The following AEN variants were observed in gnomAD, a reference collection of about 807,000 sequenced individuals.
The protein encoded by AEN is apoptosis enhancing nuclease.
A neutral mutation model predicts 17.7 loss-of-function variants in AEN; 21 were observed. That is an observed-to-expected ratio of 1.19 (90% CI 0.84 to 1.71). The LOEUF (loss-of-function observed/expected upper bound fraction) is 1.71. Ranked by LOEUF, AEN falls within the 40% of genes most tolerant of loss-of-function variation. AEN has a pLI of 0.00. For missense variants in AEN, 462 were observed against 435.9 expected (o/e 1.06, Z -0.53); for synonymous variants, 190 against 173.0 (o/e 1.10, Z -0.77).
In AEN at chr15:88,630,153, C is replaced by T. The variant is rs768698848; in HGVS notation, c.837C>T (p.Arg279=). ...TGCAGTGGGAACAGCAGGAGGCCCG[C>T]AGCCTCTGGACCTGCCCCGAGGACA... ...VEVQWEQQEA[R]SLWTCPEDRE... The change falls in exon 4 of 4, where the codon CGC becomes CGT. Residue 279 remains arginine (R), a synonymous_variant. Transcript: ENST00000332810. The surrounding 1 kb of genome is among the most constrained non-coding windows in gnomAD (Gnocchi z 5.1). 1.2e-5 allele frequency: 19 copies of T among 1,613,796 alleles called. No individual in the cohort carries two copies. The highest frequency in any genetic ancestry group is 1.5e-5 in the Non-Finnish European group (18 of 1,179,990).
At chr15:88,605,981 T>C in the AEN span, among the ~76,000 whole-genome samples, 2 of 152,360 alleles carry the variant, frequency 1.3e-5, no homozygotes, top group African/African-American at 4.8e-5. The surrounding 1 kb of genome is among the most constrained non-coding windows in gnomAD (Gnocchi z 7.6). Context: ...CTCATCTTCC[T>C]CATTTCTCCA....
chr15:88,614,253 G>T, the AEN span, among the ~76,000 whole-genome samples: 35 of 152,232 alleles, frequency 2.3e-4, no homozygotes, highest in Non-Finnish European at 4.6e-4. Context: ...AGTCTAGAGT[G>T]CAGTGGTGTG....
chr15:88,620,942 G>C (rs1173426462), upstream of AEN, among the ~76,000 whole-genome samples: 2 of 152,106 alleles, frequency 1.3e-5, no homozygotes, highest in Non-Finnish European at 2.9e-5. Flanking sequence ...TTGAATCCCA[G>C]AACACCCGAG....
chr15:88,630,553 A>G lies in AEN; in HGVS notation c.*259A>G, dbSNP rs1305309203. 6.2e-6 allele frequency: 3 copies of G among 480,996 alleles called. No homozygotes were observed. The highest frequency in any genetic ancestry group is 4.8e-5 in the South Asian group (2 of 41,686). 29.8% of individuals were successfully genotyped at this position (480,996 alleles called of 1,614,324 possible). A position where few individuals can be genotyped will look rare whatever the true frequency, so the allele number is the denominator to read the frequency against. ...ACTTTACAGACTCCATGGAGATGTCAGGTGGACCATCTTCTAGGGCCCAGC... is the reference window on the plus strand; with the variant it reads ...ACTTTACAGACTCCATGGAGATGTCGGGTGGACCATCTTCTAGGGCCCAGC... On this transcript the variant is annotated 3_prime_UTR_variant, in exon 4 of 4. Transcript: ENST00000332810. This position sits in a 1 kb window ranked among gnomAD's most constrained non-coding sequence, Gnocchi z 5.1.
intron 1 of AEN, among the ~76,000 whole-genome samples, chr15:88,623,488 G>C (rs1215870114): frequency 6.6e-6 from 1 of 152,254 alleles, no homozygotes; most frequent in East Asian, 1.9e-4. Flanking sequence ...TTCTGAAGAG[G>C]ACCTGCCACA....
At chr15:88,611,048 C>T in the AEN span, among the ~76,000 whole-genome samples, 1 of 152,190 alleles carries the variant, frequency 6.6e-6, no homozygotes, top group Non-Finnish European at 1.5e-5. Flanking sequence ...CCTCTTCCTG[C>T]TCTGCTTACC....
intron 1 of AEN, among the ~76,000 whole-genome samples, chr15:88,624,033 T>G (rs1478597259): frequency 6.6e-6 from 1 of 152,242 alleles, no homozygotes; most frequent in African/African-American, 2.4e-5. Context: ...TGCACACAGA[T>G]GTAGCCTCTT....
chr15:88,625,590 C>A (rs1015400202), intron 1 of AEN, among the ~76,000 whole-genome samples: 1 of 152,212 alleles, frequency 6.6e-6, no homozygotes, highest in African/African-American at 2.4e-5. Flanking sequence ...TGCGGGCTTC[C>A]TATGAAATTC....
chr15:88,618,303 G>C (rs1389364957), upstream of AEN, among the ~76,000 whole-genome samples: 1 of 151,924 alleles, frequency 6.6e-6, no homozygotes, highest in Non-Finnish European at 1.5e-5. Context: ...ATATTTTCAT[G>C]CTTGGTAATA....
intron 1 of AEN, among the ~76,000 whole-genome samples, chr15:88,624,231 C>T (rs1181964408): frequency 5.1e-4 from 78 of 152,266 alleles, no homozygotes; most frequent in Non-Finnish European, 1.0e-4. Context: ...CTCAGTATGG[C>T]ATTGGCCTGT....
intron 1 of AEN, chr15:88,621,758 C>A (rs1483554979): frequency 6.6e-6 from 1 of 152,236 alleles, no homozygotes; most frequent in Non-Finnish European, 1.5e-5. Context: ...GTCGTTGTTC[C>A]GTGGACTTTT....
chr15:88,617,867 G>C (rs8025410), upstream of AEN, among the ~76,000 whole-genome samples: 369 of 152,220 alleles, frequency 2.4e-3, 2 homozygotes, highest in African/African-American at 8.5e-3. Context: ...TGAAACTTTG[G>C]TTAAGCTTTT....
At chr15:88,618,496 A>G (rs187741365), upstream of AEN, among the ~76,000 whole-genome samples, 2 of 152,346 alleles carry the variant, frequency 1.3e-5, no homozygotes, top group East Asian at 3.9e-4. Context: ...ATAGCATTTC[A>G]TTATATGAGA....
chr15:88,626,178 C>T lies in AEN; in HGVS notation c.-32C>T. 1.3e-6 allele frequency: 2 copies of T among 1,533,026 alleles called. No homozygotes were observed. The highest frequency in any genetic ancestry group is 1.8e-6 in the Non-Finnish European group (2 of 1,142,098). The allele number at this position is 1,533,026 out of a possible 1,614,324, so 95.0% of individuals were successfully genotyped here. A position where few individuals can be genotyped will look rare whatever the true frequency, so the allele number is the denominator to read the frequency against. ...CCCCATTGGAAGATTACTCCCCAGGCTTCCCTTGCCCCAAGCAGTGAGCTG... is the reference window on the plus strand; with the variant it reads ...CCCCATTGGAAGATTACTCCCCAGGTTTCCCTTGCCCCAAGCAGTGAGCTG... On this transcript the variant is annotated 5_prime_UTR_variant, in exon 2 of 4. Coordinates refer to ENST00000332810, the MANE Select transcript of AEN (RefSeq NM_022767.4).
At chr15:88,617,799 A>C (rs1030721388), upstream of AEN, among the ~76,000 whole-genome samples, 8 of 151,960 alleles carry the variant, frequency 5.3e-5, no homozygotes, top group Non-Finnish European at 8.8e-5. Flanking sequence ...CATTTGCCTC[A>C]TAAGTGACTA....
intron 1 of AEN, among the ~76,000 whole-genome samples, chr15:88,625,105 C>T (rs578234288): frequency 1.3e-5 from 2 of 152,302 alleles, no homozygotes; most frequent in East Asian, 1.9e-4. Flanking sequence ...CATTCAGTGA[C>T]GAGGGCTTAA....
chr15:88,607,642 G>A, the AEN span, among the ~76,000 whole-genome samples: 1 of 152,182 alleles, frequency 6.6e-6, no homozygotes, highest in African/African-American at 2.4e-5. Context: ...TTTCAGGCAG[G>A]AACTGTGATA....
Position 88,626,340 on chromosome 15 carries a change from A to C in AEN, c.131A>C (p.Lys44Thr). 1 of 1,613,502 alleles carries C rather than the reference A, an allele frequency of 6.2e-7. No individual in the cohort carries two copies. The highest frequency in any genetic ancestry group is 8.5e-7 in the Non-Finnish European group (1 of 1,179,876). ...CAGCACCAGCGGTTCATGGCCCGGA[A>C]GGCCTTGCTGCAGGAGCAGGGGCTG... ...SRQHQRFMAR[K>T]ALLQEQGLLS... The change falls in exon 2 of 4, where the codon AAG becomes ACG. Residue 44 changes from lysine to threonine, a missense_variant. Lys to Thr is a moderately conservative substitution (Grantham distance 78). Coordinates refer to ENST00000332810, the MANE Select transcript of AEN (RefSeq NM_022767.4).
the AEN span, among the ~76,000 whole-genome samples, chr15:88,615,646 C>T: frequency 1.3e-5 from 2 of 152,020 alleles, no homozygotes; most frequent in Admixed American, 1.3e-4. Context: ...TTAATCCTAC[C>T]CCTTGACTTT....
Sources: allele counts gnomAD v4.1 joint callset (sites outside exome capture counted in the v4.1 genomes callset), GRCh38; gene constraint gnomAD v4.1.1; non-coding constraint Gnocchi (gnomAD v3.1); transcripts MANE v1.5; gene names NCBI Gene and HGNC (gene_info 2026-07-23, HGNC 2026-07-21).